PRMT8: variants seen among roughly 807,000 people sequenced by gnomAD.
The protein encoded by PRMT8 is protein arginine N-methyltransferase 8.
PRMT8 carries 7 observed loss-of-function variants against 47.1 expected under a neutral mutation model. The observed-to-expected ratio is 0.15, with a 90% confidence interval of 0.08 to 0.28. The LOEUF is 0.28. Ranked by LOEUF, PRMT8 falls within the 10% of genes least tolerant of loss-of-function variation. The probability of loss-of-function intolerance (pLI) is 1.00; values close to 1 mark genes in which losing one functional copy is unlikely to be tolerated. For synonymous variants in PRMT8, 188 were observed against 186.5 expected (o/e 1.01, Z -0.07); for missense variants, 237 against 505.4 (o/e 0.47, Z 5.09).
intron 1 of PRMT8, among the ~76,000 whole-genome samples, chr12:3,403,791 C>G (rs537089272): frequency 1.4e-5 from 2 of 145,382 alleles, no homozygotes; most frequent in African/African-American, 2.5e-5. Context: ...GCAGGAGAAT[C>G]ACTTGAATTC....
rs532223003 is a variant in PRMT8, at chr12:3,473,298, C to T, written c.49-67308C>T. Among the ~76,000 whole-genome samples the T allele has an allele frequency of 8.6e-4, 131 of 152,250 alleles. 1 individual carries two copies. Among genetic ancestry groups the T allele is most frequent in the African/African-American group, 2.3e-3 (97 of 41,558 alleles). On this transcript the variant is annotated intron_variant, in intron 1 of 9. Transcript: ENST00000452611. ...TTTGGATCATAAAGCCCAACAGACA[C>T]GGCTTCTCAGGCCTCACGGACCTCC...
intron 1 of PRMT8, among the ~76,000 whole-genome samples, chr12:3,381,705 A>C (rs1011017758): frequency 2.6e-5 from 4 of 152,178 alleles, no homozygotes; most frequent in Non-Finnish European, 5.9e-5. Context: ...TGTAAGAAAT[A>C]ATTCAGAGAG....
rs574714691 is a variant in PRMT8, at chr12:3,408,728, A to C, written c.48+27286A>C. ...ACCTTACAGAGTGGCTTTCATAGGG[A>C]AAGACTCACCTGCAGAGGGGTCTTC... On this transcript the variant is annotated intron_variant, in intron 1 of 9. Transcript: ENST00000452611. Among the ~76,000 whole-genome samples, 5 of 152,278 alleles carry C rather than the reference A, an allele frequency of 3.3e-5. No homozygotes were observed. In the East Asian group the frequency reaches 9.7e-4, roughly 29 times the overall value.
intron 1 of PRMT8, among the ~76,000 whole-genome samples, chr12:3,522,287 A>C (rs1043811388): frequency 6.6e-6 from 1 of 152,196 alleles, no homozygotes; most frequent in Non-Finnish European, 1.5e-5. Flanking sequence ...TTAGGTTAAA[A>C]GGACTTCTAA....
At chr12:3,516,868 G>A (rs1205376666) in intron 1 of PRMT8, among the ~76,000 whole-genome samples, 1 of 151,706 alleles carries the variant, frequency 6.6e-6, no homozygotes, top group Non-Finnish European at 1.5e-5. Flanking sequence ...GAATTTACCA[G>A]TCTGCAAAAT....
chr12:3,430,632 C>T (rs1306362216), intron 1 of PRMT8, among the ~76,000 whole-genome samples: 1 of 152,242 alleles, frequency 6.6e-6, no homozygotes, highest in Non-Finnish European at 1.5e-5. Flanking sequence ...TGTCAAGTGA[C>T]GTAGTTTCAC....
intron 1 of PRMT8, among the ~76,000 whole-genome samples, chr12:3,418,074 A>G (rs559475111): frequency 6.6e-6 from 1 of 152,354 alleles, no homozygotes; most frequent in Admixed American, 6.5e-5. Context: ...CTCCTGTTAC[A>G]TAGCAAGTAC....
intron 1 of PRMT8, among the ~76,000 whole-genome samples, chr12:3,507,271 G>A (rs934725956): frequency 1.3e-5 from 2 of 151,896 alleles, no homozygotes; most frequent in Admixed American, 6.6e-5. Flanking sequence ...CCAGGTGCCC[G>A]CCACTGCGCC....
At chr12:3,562,586 G>A (rs1322435893) in intron 4 of PRMT8, among the ~76,000 whole-genome samples, 1 of 152,204 alleles carries the variant, frequency 6.6e-6, no homozygotes, top group Non-Finnish European at 1.5e-5. Flanking sequence ...GGGGCATGCT[G>A]GCTGTCACAC....
rs368253333 is a variant in PRMT8, at chr12:3,480,325, C to A, written c.49-60281C>A. Among the ~76,000 whole-genome samples the A allele has an allele frequency of 2.0e-5, 3 of 152,262 alleles. No homozygotes were observed. In the East Asian group the frequency reaches 5.8e-4, roughly 29 times the overall value. ...GCCTGAGCCCCAGAGCACAGGCTTT[C>A]CCAGTACTTCTTCCTTCTTCCCCCT... On this transcript the variant is annotated intron_variant, in intron 1 of 9. Transcript: ENST00000452611.
intron 1 of PRMT8, among the ~76,000 whole-genome samples, chr12:3,524,572 C>T (rs1458446792): frequency 2.7e-5 from 4 of 149,516 alleles, no homozygotes; most frequent in South Asian, 2.1e-4. Flanking sequence ...AAATCAAATA[C>T]TTGAAGAGCC....
intron 1 of PRMT8, among the ~76,000 whole-genome samples, chr12:3,520,711 C>T (rs959903009): frequency 1.3e-5 from 2 of 152,178 alleles, no homozygotes; most frequent in African/African-American, 4.8e-5. Context: ...GTAAATTACT[C>T]AATAATTGTT....
At chr12:3,449,597 A>G (rs1369512250) in intron 1 of PRMT8, among the ~76,000 whole-genome samples, 1 of 151,944 alleles carries the variant, frequency 6.6e-6, no homozygotes, top group Non-Finnish European at 1.5e-5. Context: ...TTTTTCTTGT[A>G]AATTTGTTTA....
At chr12:3,407,467 C>T (rs1282163471) in intron 1 of PRMT8, among the ~76,000 whole-genome samples, 1 of 152,148 alleles carries the variant, frequency 6.6e-6, no homozygotes. Context: ...CCTGAGAACT[C>T]TGTTGATGGT....
intron 1 of PRMT8, among the ~76,000 whole-genome samples, chr12:3,404,618 A>G (rs1285056867): frequency 6.6e-6 from 1 of 152,210 alleles, no homozygotes; most frequent in Non-Finnish European, 1.5e-5. Context: ...TGAACATTAT[A>G]TAGTAGGAAT....
chr12:3,531,851 C>G (rs377537715), intron 1 of PRMT8, among the ~76,000 whole-genome samples: 1 of 152,214 alleles, frequency 6.6e-6, no homozygotes, highest in East Asian at 1.9e-4. Context: ...ATGTCCTTGG[C>G]CCGGCTCTGG....
chr12:3,432,066 C>T (rs1222483919), intron 1 of PRMT8, among the ~76,000 whole-genome samples: 1 of 152,130 alleles, frequency 6.6e-6, no homozygotes, highest in East Asian at 1.9e-4. Context: ...CCCAAGTCCC[C>T]CTAGAAGGGG....
intron 1 of PRMT8, among the ~76,000 whole-genome samples, chr12:3,461,669 TCTCAAGA>T (rs1483106962): frequency 4.3e-4 from 65 of 150,706 alleles, no homozygotes; most frequent in African/African-American, 1.5e-3. Flanking sequence ...CAGGAAGTCC[TCTCAAGA>T]GGAGTCCAAG....
intron 1 of PRMT8, among the ~76,000 whole-genome samples, chr12:3,483,579 T>G (rs2137103248): frequency 1.3e-5 from 2 of 152,314 alleles, no homozygotes; most frequent in Admixed American, 1.3e-4. Flanking sequence ...CAGAGTAGAT[T>G]GTGTCTGGTA....
Sources: gnomAD v4.1 joint callset for allele counts (sites outside exome capture counted in the v4.1 genomes callset) on GRCh38, gnomAD v4.1.1 for gene constraint, MANE v1.5 for transcripts, NCBI Gene and HGNC (gene_info 2026-07-23, HGNC 2026-07-21) for gene names.